KCNK10: variants seen among roughly 807,000 people sequenced by gnomAD.
The protein encoded by KCNK10 is potassium two pore domain channel subfamily K member 10, also known as potassium channel subfamily K member 10.
A neutral mutation model predicts 47.7 loss-of-function variants in KCNK10; 25 were observed. The ratio of observed to expected loss-of-function variants is 0.52; its 90% CI spans 0.38 to 0.73. The LOEUF is 0.73. Among genes scored for constraint, KCNK10 ranks in the 30% least tolerant of loss-of-function variants. The pLI is 0.00. For synonymous variants in KCNK10, 303 were observed against 285.6 expected (o/e 1.06, Z -0.61); for missense variants, 563 against 714.5 (o/e 0.79, Z 2.42).
At chr14:88,265,889 T>G (rs1887239120) in intron 1 of KCNK10, among the ~76,000 whole-genome samples, 1 of 152,210 alleles carries the variant, frequency 6.6e-6, no homozygotes, top group Admixed American at 6.5e-5. Flanking sequence ...CCACCATGAT[T>G]GTGAGGCCTC....
intron 1 of KCNK10, among the ~76,000 whole-genome samples, chr14:88,281,799 T>A (rs1457578866): frequency 7.0e-6 from 1 of 142,940 alleles, no homozygotes; most frequent in Non-Finnish European, 1.5e-5. Context: ...CATATATCTC[T>A]CATATAGATA....
At chr14:88,286,595 T>A (rs942543568) in intron 1 of KCNK10, among the ~76,000 whole-genome samples, 3 of 152,194 alleles carry the variant, frequency 2.0e-5, no homozygotes, top group Non-Finnish European at 4.4e-5. Flanking sequence ...GGGTAATTAA[T>A]TTATAAAGAA....
At chr14:88,234,698 T>C (rs576081041) in intron 3 of KCNK10, among the ~76,000 whole-genome samples, 24 of 152,318 alleles carry the variant, frequency 1.6e-4, no homozygotes, top group African/African-American at 4.6e-4. Context: ...CCCTCATTGC[T>C]GTGGACCAGT....
chr14:88,258,034 A>C (rs774165325), intron 2 of KCNK10, among the ~76,000 whole-genome samples: 2 of 152,044 alleles, frequency 1.3e-5, no homozygotes, highest in Non-Finnish European at 2.9e-5. Flanking sequence ...TGCCCCCTAG[A>C]GGCAACCATC....
chr14:88,297,804 A>G (rs781335219), intron 1 of KCNK10, among the ~76,000 whole-genome samples: 25 of 152,248 alleles, frequency 1.6e-4, no homozygotes, highest in Non-Finnish European at 3.7e-4. Flanking sequence ...GACATTATAT[A>G]AAATAGATAA....
chr14:88,251,223 ACT>A (rs1886789063), intron 2 of KCNK10, among the ~76,000 whole-genome samples: 1 of 108,408 alleles, frequency 9.2e-6, no homozygotes, highest in Non-Finnish European at 1.7e-5. Context: ...ACAGAGCAAG[ACT>A]CTGTCTCAAA....
At chr14:88,319,273 G>T (rs1888494011) in intron 1 of KCNK10, among the ~76,000 whole-genome samples, 1 of 152,030 alleles carries the variant, frequency 6.6e-6, no homozygotes, top group African/African-American at 2.4e-5. Context: ...TTCATTTTTT[G>T]CTATTAAATT....
At chr14:88,266,930 C>T (rs899488966) in intron 1 of KCNK10, among the ~76,000 whole-genome samples, 2 of 152,196 alleles carry the variant, frequency 1.3e-5, no homozygotes, top group African/African-American at 2.4e-5. Context: ...AGAAACGTCT[C>T]TTCAGGCCAG....
In KCNK10 at chr14:88,188,091, T is replaced by C. The variant is rs200816172; in HGVS notation, c.887A>G (p.Asn296Ser). Reference protein sequence around the residue: ...DFVAGGNAGINYREWYKPLVW... With the variant: ...DFVAGGNAGISYREWYKPLVW... ...TAGGGGCTTATACCACTCCCGATAA[T>C]TGATGCCAGCGTTTCCCCCTGAAAA... The change falls in exon 6 of 7, where the codon AAT becomes AGT. Residue 296 changes from asparagine (N) to serine (S), a missense_variant. Transcript: ENST00000319231. The C allele has an allele frequency of 1.1e-5, 17 of 1,614,210 alleles. No individual in the cohort carries two copies. The highest frequency in any genetic ancestry group is 2.7e-5 in the African/African-American group (2 of 75,056).
At chr14:88,299,905 A>T (rs187523904) in intron 1 of KCNK10, among the ~76,000 whole-genome samples, 60 of 152,322 alleles carry the variant, frequency 3.9e-4, no homozygotes, top group Admixed American at 1.2e-3. Flanking sequence ...AAAAGTGAAG[A>T]TGGCATAGGA....
intron 2 of KCNK10, among the ~76,000 whole-genome samples, chr14:88,250,756 T>C (rs1566702368): frequency 6.6e-6 from 1 of 152,158 alleles, no homozygotes; most frequent in Non-Finnish European, 1.5e-5. Context: ...CTGGGTGTGG[T>C]GGCACACCCC....
In KCNK10 at chr14:88,259,914, A is replaced by G. The variant is rs1299248744; in HGVS notation, c.402+3288T>C. 2.0e-5 allele frequency among the ~76,000 whole-genome samples: 3 copies of G among 152,084 alleles called. No individual in the cohort carries two copies. In the East Asian group the frequency reaches 5.8e-4, roughly 29 times the overall value. The stretch of plus-strand genomic sequence containing the variant: ...CTTGCTGTTCTTGTGATAGTGAGTG[A>G]GTTCTCATGAAATCTGTTTGTTTGG... On this transcript the variant is annotated intron_variant, in intron 2 of 6. Transcript: ENST00000319231.
intron 1 of KCNK10, among the ~76,000 whole-genome samples, chr14:88,283,254 A>C (rs1040800084): frequency 1.3e-5 from 2 of 152,246 alleles, no homozygotes; most frequent in African/African-American, 4.8e-5. Flanking sequence ...CAGTCAAGAA[A>C]ACCCAAGAGA....
intron 4 of KCNK10, among the ~76,000 whole-genome samples, chr14:88,194,640 G>A (rs1281409907): frequency 6.6e-6 from 1 of 152,186 alleles, no homozygotes; most frequent in Non-Finnish European, 1.5e-5. Flanking sequence ...AGGGAAGATG[G>A]GGAAGGACAG....
chr14:88,232,345 T>G (rs964998413), intron 3 of KCNK10, among the ~76,000 whole-genome samples: 3 of 152,230 alleles, frequency 2.0e-5, no homozygotes, highest in Non-Finnish European at 4.4e-5. Flanking sequence ...AATACACAGC[T>G]CCTCAGCTCT....
chr14:88,213,794 T>C (rs1015661148), intron 4 of KCNK10, among the ~76,000 whole-genome samples: 1 of 151,942 alleles, frequency 6.6e-6, no homozygotes, highest in Non-Finnish European at 1.5e-5. Context: ...AAAATGGCTC[T>C]TAAAAGGAAG....
At chr14:88,242,238 C>T (rs1886500159) in intron 2 of KCNK10, among the ~76,000 whole-genome samples, 2 of 152,210 alleles carry the variant, frequency 1.3e-5, no homozygotes. Flanking sequence ...ATCATCATTA[C>T]ATTTTGCCTT....
At chr14:88,244,108 GC>G (rs1178427378) in intron 2 of KCNK10, among the ~76,000 whole-genome samples, 8 of 152,046 alleles carry the variant, frequency 5.3e-5, no homozygotes. Context: ...GCTTTAGAAA[GC>G]CCCAATGCTG....
chr14:88,263,091 T>C (rs1013596801), intron 2 of KCNK10, 111 bp downstream of exon 2: 30 of 851,950 alleles, frequency 3.5e-5, no homozygotes, highest in Non-Finnish European at 4.8e-5. Context: ...AGAACTTCCC[T>C]GACCACCAAG....
Sources: gnomAD v4.1 joint callset for allele counts (sites outside exome capture counted in the v4.1 genomes callset) on GRCh38, gnomAD v4.1.1 for gene constraint, MANE v1.5 for transcripts, NCBI Gene and HGNC (gene_info 2026-07-23, HGNC 2026-07-21) for gene names.